UPP2: variants seen among roughly 807,000 people sequenced by gnomAD.
The protein encoded by UPP2 is uridine phosphorylase 2, also known as UPase 2.
A neutral mutation model predicts 26.7 loss-of-function variants in UPP2; 23 were observed. The ratio of observed to expected loss-of-function variants is 0.86; its 90% CI spans 0.62 to 1.22. The LOEUF is 1.22. Ranked by LOEUF, UPP2 falls within the 50% of genes most tolerant of loss-of-function variation. The pLI, the probability that UPP2 is intolerant of heterozygous loss-of-function variation, is 0.00. For synonymous variants in UPP2, 127 were observed against 141.3 expected, an observed-to-expected ratio of 0.90 and a Z score of 0.72; for missense variants, 387 against 396.7, an observed-to-expected ratio of 0.98 and a Z score of 0.21.
intron 2 of UPP2, among the ~76,000 whole-genome samples, chr2:157,996,884 A>T (rs1683331480): frequency 6.6e-6 from 1 of 152,268 alleles, no homozygotes; most frequent in Non-Finnish European, 1.5e-5. Flanking sequence ...TTGGATTCTG[A>T]AAAGACATTT....
chr2:158,066,677 A>G (rs995817161), intron 3 of UPP2, among the ~76,000 whole-genome samples: 1 of 147,522 alleles, frequency 6.8e-6, no homozygotes, highest in Non-Finnish European at 1.5e-5. Context: ...AATGTGTTTC[A>G]ATAAATCTTA....
At chr2:158,091,964 G>C (rs991146007) in intron 3 of UPP2, among the ~76,000 whole-genome samples, 10 of 152,104 alleles carry the variant, frequency 6.6e-5, no homozygotes, top group African/African-American at 1.9e-4. Flanking sequence ...GTAGATACAG[G>C]GTGGAGTAAA....
intron 1 of UPP2, among the ~76,000 whole-genome samples, chr2:158,104,975 G>A (rs1683154351): frequency 4.8e-5 from 3 of 62,438 alleles, no homozygotes; most frequent in African/African-American, 9.9e-5. Context: ...GGGAAGGGAA[G>A]GGAAGAGAAG....
At chr2:158,104,504 T>TTTTTTG (rs1397976090) in intron 1 of UPP2, among the ~76,000 whole-genome samples, 1 of 151,912 alleles carries the variant, frequency 6.6e-6, no homozygotes. Flanking sequence ...TCACCAGTGT[T>TTTTTTG]TTTTTGTTTT....
At chr2:158,094,478 T>C (rs1223573697) in intron 3 of UPP2, among the ~76,000 whole-genome samples, 1 of 152,230 alleles carries the variant, frequency 6.6e-6, no homozygotes, top group East Asian at 1.9e-4. Flanking sequence ...AATAACATTT[T>C]TGAAAAGTCA....
Position 158,106,260 on chromosome 2 carries a change from T to C in UPP2, c.180+44T>C, listed in dbSNP as rs775846418. On this transcript the variant is annotated intron_variant, in intron 2 of 6. Coordinates refer to ENST00000005756, the MANE Select transcript of UPP2 (RefSeq NM_173355.4). The stretch of plus-strand genomic sequence containing the variant: ...TCAGGAAAAATGATTGAGTTTTCTC[T>C]ACTAATTTTTCTTCTTACCTTGCCA... 1.9e-6 allele frequency: 3 copies of C among 1,561,214 alleles called. No homozygotes were observed. In the South Asian group the frequency reaches 3.4e-5, roughly 18 times the overall value.
intron 2 of UPP2, among the ~76,000 whole-genome samples, chr2:158,114,142 C>T (rs1469894922): frequency 6.6e-6 from 1 of 152,186 alleles, no homozygotes; most frequent in Non-Finnish European, 1.5e-5. Flanking sequence ...TTTACCTAAC[C>T]TCAAAGGGCA....
At position 158,115,916 on chromosome 2, in the gene UPP2, A is replaced by G. The variant is rs1202490130; in HGVS notation, c.339+657A>G. Among the ~76,000 whole-genome samples the G allele has an allele frequency of 3.3e-5, 5 of 152,216 alleles. No homozygotes were observed. In the East Asian group the frequency reaches 9.6e-4, roughly 29 times the overall value. ...CTGCACAGGGCTGTATTCTGAAGCA[A>G]TAACTCTGAAGCCATCACATTTCTG... On this transcript the variant is annotated intron_variant, in intron 3 of 6. Transcript: ENST00000005756.
In UPP2 at chr2:158,057,784, T is replaced by C. The variant is rs144451236; in HGVS notation, c.147+41898T>C. Among the ~76,000 whole-genome samples, 789 of 152,076 alleles carry C rather than the reference T, an allele frequency of 5.2e-3. 5 individuals are homozygous for C. Among genetic ancestry groups the C allele is most frequent in the African/African-American group, 0.017 (690 of 41,486 alleles). ...TTTTTGTTGTTCCAGGATGCTGTAG[T>C]AGTTTTCTATGGCTGCCATTAAAAA... On this transcript the variant is annotated intron_variant, in intron 3 of 9. Transcript: ENST00000605860.
intron 3 of UPP2, among the ~76,000 whole-genome samples, chr2:158,060,084 G>GTGCATGCATGTGTGTACACACA (rs1558917914): frequency 1.3e-5 from 2 of 151,942 alleles, no homozygotes; most frequent in Non-Finnish European, 2.9e-5. Context: ...GTGTGTGTGC[G>GTGCATGCATGTGTGTACACACA]TGCATGCATG....
rs1478634987 is a variant in UPP2 at position 158,121,606 on chromosome 2, G to A, written c.652G>A (p.Asp218Asn). The change falls in exon 5 of 7, where the codon GAT becomes AAT. Residue 218 changes from aspartate (D) to asparagine (N), a missense_variant. Physicochemically the swap from Asp to Asn is conservative, Grantham distance 23. Coordinates refer to ENST00000005756, the MANE Select transcript of UPP2 (RefSeq NM_173355.4). Reference protein sequence around the residue: ...TLVGHTMCTYDFYEGQGRLDG... With the variant: ...TLVGHTMCTYNFYEGQGRLDG... ...CGTTGGACATACAATGTGTACCTAT[G>A]ATTTTTATGAAGGTGAGAACAATTT... is the stretch of plus-strand genomic sequence containing the variant. 12 of 1,612,664 alleles carry A rather than the reference G, an allele frequency of 7.4e-6. No homozygotes were observed. Among genetic ancestry groups the A allele is most frequent in the African/African-American group, 1.3e-5 (1 of 75,014 alleles).
intron 3 of UPP2, among the ~76,000 whole-genome samples, chr2:158,031,605 A>C (rs547075532): frequency 3.9e-5 from 6 of 152,218 alleles, no homozygotes; most frequent in Admixed American, 6.5e-5. Context: ...GGATCTGCAG[A>C]GGCAGCCAGT....
rs1683404531 is a variant in UPP2, at chr2:158,115,261, T to C, written c.339+2T>C. Reference sequence around the variant, plus strand: ...ACCGGGCCTGTGCTCGCCATCAGTGTAAGTATCCATGGTTGCATTTCAGCT... The same window carrying C: ...ACCGGGCCTGTGCTCGCCATCAGTGCAAGTATCCATGGTTGCATTTCAGCT... On this transcript the variant is annotated splice_donor_variant, in intron 3 of 6. Coordinates refer to ENST00000005756, the MANE Select transcript of UPP2 (RefSeq NM_173355.4). LOFTEE classifies it high-confidence loss of function. 6.2e-7 allele frequency: 1 copy of C among 1,601,658 alleles called. No individual in the cohort carries two copies. Among genetic ancestry groups the C allele is most frequent in the Admixed American group, 1.7e-5 (1 of 57,428 alleles).
rs955738818 is a variant in UPP2 at position 158,024,367 on chromosome 2, T to C, written c.147+8481T>C. On this transcript the variant is annotated intron_variant, in intron 3 of 9. Transcript: ENST00000605860. ...CAGGATATCACTACAAGTTGACCTG[T>C]AGAGGAGCAGGATTGGGATGTAAAC... Among the ~76,000 whole-genome samples the C allele has an allele frequency of 2.6e-5, 4 of 152,250 alleles. 1 individual carries two copies. Among genetic ancestry groups the C allele is most frequent in the Non-Finnish European group, 2.9e-5 (2 of 68,012 alleles).
At chr2:158,047,026 G>A (rs1185486839) in intron 3 of UPP2, among the ~76,000 whole-genome samples, 4 of 152,206 alleles carry the variant, frequency 2.6e-5, no homozygotes, top group Non-Finnish European at 5.9e-5. Context: ...GAATTTTGCA[G>A]TCTCTCTGGG....
At chr2:158,102,212 C>G in intron 1 of UPP2, 87 bp downstream of exon 1, 1 of 1,407,064 alleles carries the variant, frequency 7.1e-7, no homozygotes, top group South Asian at 1.4e-5. Context: ...TGGGCCTCTA[C>G]AGTTAAGCAA....
At chr2:158,000,082 A>G (rs1220569633) in intron 2 of UPP2, among the ~76,000 whole-genome samples, 1 of 146,452 alleles carries the variant, frequency 6.8e-6, no homozygotes, top group African/African-American at 2.6e-5. Flanking sequence ...TTTTTTTTTG[A>G]GACAGAGTCT....
intron 3 of UPP2, among the ~76,000 whole-genome samples, chr2:158,028,455 A>G (rs1683870058): frequency 6.6e-6 from 1 of 152,174 alleles, no homozygotes; most frequent in African/African-American, 2.4e-5. Context: ...CTCAGCCTGG[A>G]CCTTATTGTC....
At chr2:158,098,188 T>A (rs1204173376), upstream of UPP2, among the ~76,000 whole-genome samples, 1 of 152,030 alleles carries the variant, frequency 6.6e-6, no homozygotes, top group Admixed American at 6.6e-5. Context: ...CCTCTTTTAA[T>A]TATGAGAGTA....
Sources: gnomAD v4.1 joint callset for allele counts (sites outside exome capture counted in the v4.1 genomes callset) on GRCh38, gnomAD v4.1.1 for gene constraint, MANE v1.5 for transcripts, NCBI Gene and HGNC (gene_info 2026-07-23, HGNC 2026-07-21) for gene names.